Variants in PSME3IP1 observed in about 807,000 individuals in gnomAD.
PSME3IP1 encodes the protein proteasome activator subunit 3 interacting protein 1.
A neutral mutation model predicts 34.1 loss-of-function variants in PSME3IP1; 13 were observed. The observed-to-expected ratio is 0.38, with a 90% CI of 0.25 to 0.61. The LOEUF (loss-of-function observed/expected upper bound fraction) is 0.61. Among genes scored for constraint, PSME3IP1 ranks in the 20% least tolerant of loss-of-function variants. PSME3IP1 has a pLI of 0.60. For missense variants in PSME3IP1, 237 were observed against 301.4 expected, an observed-to-expected ratio of 0.79 and a Z score of 1.58; for synonymous variants, 93 against 114.3, an observed-to-expected ratio of 0.81 and a Z score of 1.19.
intron 1 of PSME3IP1, chr16:57,185,545 C>G (rs2074099611): frequency 1.0e-6 from 1 of 985,398 alleles, no homozygotes; most frequent in Admixed American, 6.1e-5. Context: ...GTGGCCCTAC[C>G]TAGCAGAAAA....
intron 4 of PSME3IP1, among the ~76,000 whole-genome samples, chr16:57,168,673 C>A (rs1198814628): frequency 6.6e-6 from 1 of 151,656 alleles, no homozygotes; most frequent in Non-Finnish European, 1.5e-5. Flanking sequence ...TGTGGTGGCA[C>A]ATTCCTGTAA....
chr16:57,164,282 A>G (rs1441485146), intron 5 of PSME3IP1, among the ~76,000 whole-genome samples: 1 of 152,262 alleles, frequency 6.6e-6, no homozygotes, highest in East Asian at 1.9e-4. Flanking sequence ...AATCCAGGAA[A>G]TAAAGCACTG....
rs560762597 is a variant in PSME3IP1 at position 57,163,276 on chromosome 16, A to G, written c.547+725T>C. On this transcript the variant is annotated intron_variant, in intron 6 of 6. Coordinates refer to ENST00000309137, the MANE Select transcript of PSME3IP1 (RefSeq NM_024946.4). The stretch of plus-strand genomic sequence containing the variant: ...TTTTTCCCCCAGACTCTTCTTTTTA[A>G]AAGTAGGTTCTAGACCAAAAGGGTA... 2.0e-5 allele frequency among the ~76,000 whole-genome samples: 3 copies of G among 152,336 alleles called. No individual in the cohort carries two copies. The South Asian group carries it at 6.2e-4, about 32-fold the overall frequency.
chr16:57,165,617 C>T (rs2071777967), intron 5 of PSME3IP1, among the ~76,000 whole-genome samples: 1 of 152,168 alleles, frequency 6.6e-6, no homozygotes. Flanking sequence ...TCCCAGACTT[C>T]ACTTCAAACT....
rs2071571635 is a variant in PSME3IP1, at chr16:57,164,034, T to G, written c.514A>C (p.Lys172Gln). The part of the protein sequence containing the change: ...SESGNSVKRL[K>Q]PDPEPDDKNQ... ...TTGTCATCTGGCTCAGGGTCCGGTT[T>G]CAGTCTTTTCACACTGTTGCCACTC... The change falls in exon 6 of 7, where the codon AAA (lysine) becomes CAA (glutamine). Residue 172 changes from lysine (K) to glutamine (Q), a missense_variant. Transcript: ENST00000309137. 6.2e-7 allele frequency: 1 copy of G among 1,614,178 alleles called. No homozygotes were observed. Among genetic ancestry groups the G allele is most frequent in the South Asian group, 1.1e-5 (1 of 91,084 alleles).
At chr16:57,166,445 C>G (rs1350663716) in intron 5 of PSME3IP1, among the ~76,000 whole-genome samples, 3 of 152,234 alleles carry the variant, frequency 2.0e-5, no homozygotes, top group African/African-American at 7.2e-5. Flanking sequence ...TCTTTCAGGA[C>G]AGGATGCCTT....
intron 4 of PSME3IP1, among the ~76,000 whole-genome samples, chr16:57,170,773 A>G (rs2072474138): frequency 6.6e-6 from 1 of 152,216 alleles, no homozygotes; most frequent in South Asian, 2.1e-4. Context: ...TGACAAATCT[A>G]TAAAAAATGA....
At position 57,154,267 on chromosome 16, in the gene PSME3IP1, C is replaced by G. The variant is rs117761256; in HGVS notation, c.*23G>C. The G allele has an allele frequency of 2.5e-6, 4 of 1,604,096 alleles. No homozygotes were observed. Among genetic ancestry groups the G allele is most frequent in the Non-Finnish European group, 3.4e-6 (4 of 1,171,366 alleles). ...GGTCCGATCTACCCTTGGGGAGGAG[C>G]TCCCTGTGTAGGGACGGAGAAACTA... On this transcript the variant is annotated 3_prime_UTR_variant, in exon 7 of 7. Transcript: ENST00000309137. The surrounding 1 kb of genome is among the most constrained non-coding windows in gnomAD (Gnocchi z 4.0).
chr16:57,173,095 G>A (rs1396032703), intron 2 of PSME3IP1, among the ~76,000 whole-genome samples: 2 of 152,168 alleles, frequency 1.3e-5, no homozygotes, highest in Non-Finnish European at 2.9e-5. Flanking sequence ...TGTCAATAGC[G>A]CCCATGGCCT....
intron 6 of PSME3IP1, among the ~76,000 whole-genome samples, chr16:57,161,394 C>A (rs1287237005): frequency 6.6e-6 from 1 of 152,090 alleles, no homozygotes; most frequent in South Asian, 2.1e-4. Flanking sequence ...ATATAAACCA[C>A]TGAGTCGTAT....
In PSME3IP1 at chr16:57,154,309, G is replaced by A. The variant is rs778889751; in HGVS notation, c.746C>T (p.Thr249Ile). 1 of 1,614,074 alleles carries A rather than the reference G, an allele frequency of 6.2e-7. No homozygotes were observed. Among genetic ancestry groups the A allele is most frequent in the Admixed American group, 1.7e-5 (1 of 60,026 alleles). ...KIVSSIFRTN[T>I]FLEAP Reference sequence around the variant, plus strand: ...GAGAAACTAGGGGGCCTCGAGGAAGGTGTTGGTTCGGAAGATGGAGGAGAC... The same window carrying A: ...GAGAAACTAGGGGGCCTCGAGGAAGATGTTGGTTCGGAAGATGGAGGAGAC... The change falls in exon 7 of 7, where the codon ACC (threonine) becomes ATC (isoleucine). Residue 249 changes from threonine (T) to isoleucine (I), a missense_variant. Coordinates refer to ENST00000309137, the MANE Select transcript of PSME3IP1 (RefSeq NM_024946.4). The surrounding 1 kb of genome is among the most constrained non-coding windows in gnomAD (Gnocchi z 4.0).
At chr16:57,163,717 G>C (rs1193242376) in intron 6 of PSME3IP1, among the ~76,000 whole-genome samples, 3 of 152,152 alleles carry the variant, frequency 2.0e-5, no homozygotes, top group African/African-American at 4.8e-5. Context: ...GAGCAGAGGT[G>C]GTATGACCAG....
chr16:57,167,988 C>G (rs1247065099), intron 4 of PSME3IP1, among the ~76,000 whole-genome samples: 1 of 152,202 alleles, frequency 6.6e-6, no homozygotes, highest in Non-Finnish European at 1.5e-5. Context: ...ACTTTTTACT[C>G]TTTTGAAGTG....
chr16:57,178,280 T>G (rs1164835399), intron 1 of PSME3IP1, among the ~76,000 whole-genome samples: 1 of 152,182 alleles, frequency 6.6e-6, no homozygotes, highest in Non-Finnish European at 1.5e-5. Flanking sequence ...CCGCCCAGAA[T>G]CAGACTAAAG....
At chr16:57,158,536 C>T (rs749124463) in intron 6 of PSME3IP1, among the ~76,000 whole-genome samples, 3 of 152,064 alleles carry the variant, frequency 2.0e-5, no homozygotes, top group Non-Finnish European at 2.9e-5. Context: ...TGCTGTGAGC[C>T]GGGATCGCAC....
At position 57,154,316 on chromosome 16, in the gene PSME3IP1, T is replaced by C. The variant is rs1165506913; in HGVS notation, c.739A>G (p.Thr247Ala). The change falls in exon 7 of 7, where the codon ACC becomes GCC. Residue 247 changes from threonine to alanine, a missense_variant. Physicochemically the swap from Thr to Ala is moderately conservative, Grantham distance 58. Transcript: ENST00000309137. The surrounding 1 kb of genome is among the most constrained non-coding windows in gnomAD (Gnocchi z 4.0). ...TAGGGGGCCTCGAGGAAGGTGTTGG[T>C]TCGGAAGATGGAGGAGACAATCTTT... ...TGKIVSSIFR[T>A]NTFLEAP 2 of 1,613,858 alleles carry C rather than the reference T, an allele frequency of 1.2e-6. No homozygotes were observed. The highest frequency in any genetic ancestry group is 1.7e-6 in the Non-Finnish European group (2 of 1,179,998).
intron 1 of PSME3IP1, among the ~76,000 whole-genome samples, chr16:57,184,943 C>A (rs1457487855): frequency 5.3e-5 from 8 of 152,208 alleles, no homozygotes; most frequent in African/African-American, 1.9e-4. Context: ...GGAGTCTACC[C>A]ACTGATTCCC....
At chr16:57,157,599 A>C (rs1431541370) in intron 6 of PSME3IP1, among the ~76,000 whole-genome samples, 1 of 151,560 alleles carries the variant, frequency 6.6e-6, no homozygotes, top group Non-Finnish European at 1.5e-5. Flanking sequence ...GTCCCTTTTG[A>C]ATTTTTCCTT....
chr16:57,172,796 T>C lies in PSME3IP1; in HGVS notation c.206A>G (p.Tyr69Cys), dbSNP rs774379565. 1.2e-6 allele frequency: 2 copies of C among 1,613,442 alleles called. No homozygotes were observed. The highest frequency in any genetic ancestry group is 1.1e-5 in the South Asian group (1 of 91,076). The change falls in exon 3 of 7, where the codon TAC becomes TGC. Residue 69 changes from tyrosine to cysteine, a missense_variant. Physicochemically the swap from Tyr to Cys is radical, Grantham distance 194. Transcript: ENST00000309137. Reference protein sequence around the residue: ...QEQKDRKQQEYEEQFKFKNMV... With the variant: ...QEQKDRKQQECEEQFKFKNMV... ...CTTACTGAATTTGAACTGTTCCTCG[T>C]ACTCCTGCTGCTTCCTGTCCTTCTG...
Sources: allele counts gnomAD v4.1 joint callset (sites outside exome capture counted in the v4.1 genomes callset), GRCh38; gene constraint gnomAD v4.1.1; non-coding constraint Gnocchi (gnomAD v3.1); transcripts MANE v1.5; gene names NCBI Gene and HGNC (gene_info 2026-07-23, HGNC 2026-07-21).